The following GPHN variants were observed in gnomAD, a reference collection of about 807,000 sequenced individuals.
GPHN encodes gephyrin.
GPHN carries 17 observed loss-of-function variants against 95.5 expected under a neutral mutation model. That is an observed-to-expected ratio of 0.18 (90% CI 0.12 to 0.27). The LOEUF (loss-of-function observed/expected upper bound fraction) is 0.27. GPHN is among the 10% of genes least tolerant of loss of function. The pLI, the probability that GPHN is intolerant of heterozygous loss-of-function variation, is 1.00. For synonymous variants in GPHN, 320 were observed against 322.5 expected (o/e 0.99, Z 0.08); for missense variants, 660 against 978.1 (o/e 0.67, Z 4.34).
At chr14:67,232,302 C>T in the GPHN span, among the ~76,000 whole-genome samples, 3,163 of 152,230 alleles carry the variant, frequency 0.021, 117 homozygotes, top group African/African-American at 0.072. Flanking sequence ...CTGTTCCTTA[C>T]GACAAGAAAC....
intron 1 of GPHN, among the ~76,000 whole-genome samples, chr14:66,677,025 G>T (rs1478500389): frequency 6.6e-6 from 1 of 151,974 alleles, no homozygotes; most frequent in African/African-American, 2.4e-5. Context: ...GAGATTATAT[G>T]TGTCCAGGAA....
the GPHN span, among the ~76,000 whole-genome samples, chr14:67,416,445 G>A: frequency 6.6e-6 from 1 of 152,206 alleles, no homozygotes; most frequent in African/African-American, 2.4e-5. Context: ...GGGGTCCCGG[G>A]CAGCCAGGAG....
the GPHN span, among the ~76,000 whole-genome samples, chr14:67,293,690 T>A: frequency 6.6e-6 from 1 of 152,192 alleles, no homozygotes; most frequent in Admixed American, 6.5e-5. Flanking sequence ...ACTTCCAGGA[T>A]AGAAGGAAAA....
the GPHN span, among the ~76,000 whole-genome samples, chr14:67,218,582 C>T: frequency 6.6e-6 from 1 of 152,018 alleles, no homozygotes; most frequent in African/African-American, 2.4e-5. Context: ...GTTTGGCTGG[C>T]CTGGGGGCAT....
the GPHN span, among the ~76,000 whole-genome samples, chr14:67,389,333 G>C: frequency 2.0e-5 from 3 of 152,268 alleles, no homozygotes; most frequent in East Asian, 5.8e-4. Context: ...GGGAGGACAG[G>C]AGAGTCCTGT....
the GPHN span, among the ~76,000 whole-genome samples, chr14:67,465,196 C>T: frequency 2.0e-5 from 3 of 152,184 alleles, no homozygotes; most frequent in Non-Finnish European, 2.9e-5. Flanking sequence ...GAAGGCAGAG[C>T]GAGGGGAAGC....
At chr14:66,667,302 A>G (rs1008198838) in intron 1 of GPHN, among the ~76,000 whole-genome samples, 1 of 152,168 alleles carries the variant, frequency 6.6e-6, no homozygotes, top group African/African-American at 2.4e-5. Context: ...AGAGAAAACT[A>G]TTTTAAAATT....
At chr14:67,046,706 C>T (rs1270717973) in intron 10 of GPHN, among the ~76,000 whole-genome samples, 2 of 152,092 alleles carry the variant, frequency 1.3e-5, no homozygotes, top group Non-Finnish European at 2.9e-5. Flanking sequence ...CTTTGAGGCT[C>T]ATTGTCTTGA....
the GPHN span, among the ~76,000 whole-genome samples, chr14:67,643,862 A>G: frequency 1.6e-4 from 15 of 91,090 alleles, no homozygotes; most frequent in African/African-American, 3.5e-4. Flanking sequence ...TAAAAAAAAA[A>G]AAAAAAAAAA....
At chr14:67,575,838 C>T in the GPHN span, 1 of 1,613,618 alleles carries the variant, frequency 6.2e-7, no homozygotes, top group East Asian at 2.2e-5. Context: ...CCTGGGCTGC[C>T]TGCCTGTGCG....
the GPHN span, among the ~76,000 whole-genome samples, chr14:67,440,934 G>A: frequency 6.6e-6 from 1 of 152,116 alleles, no homozygotes; most frequent in East Asian, 1.9e-4. Context: ...CTCTTGTAGT[G>A]TCATTAATCC....
chr14:67,369,886 G>A, the GPHN span, among the ~76,000 whole-genome samples: 4 of 152,202 alleles, frequency 2.6e-5, no homozygotes, highest in Admixed American at 1.3e-4. Context: ...AGAGGCGCTA[G>A]AGGAATTAAA....
intron 5 of GPHN, among the ~76,000 whole-genome samples, chr14:66,901,091 A>G (rs752405826): frequency 6.6e-6 from 1 of 152,076 alleles, no homozygotes; most frequent in Non-Finnish European, 1.5e-5. Flanking sequence ...TTTTAACTGG[A>G]GTAAAATGAT....
chr14:67,353,043 A>T, the GPHN span: 1 of 1,596,686 alleles, frequency 6.3e-7, no homozygotes. Flanking sequence ...TCTGTGCCCT[A>T]TATAAACATA....
intron 21 of GPHN, 131 bp from the exon 22 acceptor site, chr14:67,179,447 G>C (rs2083204260): frequency 5.8e-6 from 4 of 692,880 alleles, no homozygotes; most frequent in African/African-American, 1.8e-5. Context: ...TAAGGTGGTA[G>C]TGACAGCAAC....
At chr14:67,089,884 T>C (rs1220026052) in intron 12 of GPHN, among the ~76,000 whole-genome samples, 1 of 152,152 alleles carries the variant, frequency 6.6e-6, no homozygotes, top group Non-Finnish European at 1.5e-5. Flanking sequence ...CAAATGTAAA[T>C]TCTGAATTGC....
chr14:67,631,519 T>G, the GPHN span, among the ~76,000 whole-genome samples: 20 of 141,592 alleles, frequency 1.4e-4, no homozygotes, highest in Middle Eastern at 3.7e-3. Flanking sequence ...CACTACAGCC[T>G]CCACCTCCCA....
At chr14:67,693,199 A>G in the GPHN span, 2 of 533,336 alleles carry the variant, frequency 3.7e-6, no homozygotes, top group Non-Finnish European at 6.6e-6. Flanking sequence ...ATTTAAGGAA[A>G]GTTGGAGGAA....
the GPHN span, among the ~76,000 whole-genome samples, chr14:67,295,489 CAA>C: frequency 8.8e-6 from 1 of 113,176 alleles, no homozygotes. Flanking sequence ...GACCCTGTCT[CAA>C]AAAAAAAAAA....
Sources: allele counts gnomAD v4.1 joint callset (sites outside exome capture counted in the v4.1 genomes callset), GRCh38; gene constraint gnomAD v4.1.1; transcripts MANE v1.5; gene names NCBI Gene and HGNC (gene_info 2026-07-23, HGNC 2026-07-21).